Variants in DNAH1 observed in about 807,000 individuals in gnomAD.
DNAH1 encodes the protein dynein axonemal heavy chain 1.
In DNAH1, 327 loss-of-function variants were observed where a neutral mutation model predicts 484.3. The observed-to-expected ratio is 0.68, with a 90% CI of 0.62 to 0.74. The LOEUF is 0.74. DNAH1 is among the 30% of genes least tolerant of loss of function. The pLI is 0.00. For synonymous variants in DNAH1, 2,192 were observed against 2,191.9 expected, an observed-to-expected ratio of 1.00 and a Z score of 0.00; for missense variants, 5,052 against 5,546.8, an observed-to-expected ratio of 0.91 and a Z score of 2.83.
At chr3:52,340,456 A>G (rs1316867205) in intron 8 of DNAH1, among the ~76,000 whole-genome samples, 2 of 150,308 alleles carry the variant, frequency 1.3e-5, no homozygotes, top group African/African-American at 4.9e-5. Flanking sequence ...ATTTTTTGAG[A>G]TGAAGTCTTG....
In DNAH1 at chr3:52,380,072, C is replaced by T. The variant is rs368503214; in HGVS notation, c.7545C>T (p.Tyr2515=). 2.0e-4 allele frequency: 326 copies of T among 1,605,590 alleles called. 2 individuals are homozygous for T. In the South Asian group the frequency reaches 3.3e-3, roughly 16 times the overall value. Residue 2515 remains tyrosine, a synonymous_variant, in exon 48 of 78, where the codon TAC becomes TAT. Transcript: ENST00000420323. ...NKVCPFQPIL[Y]GDFMSPGSDV... ...TCTGCCCCTTCCAGCCCATTCTTTA[C>T]GGGGACTTCATGTCACCAGGCTCCG...
chr3:52,340,955 T>TCTTC (rs976323661), intron 8 of DNAH1, among the ~76,000 whole-genome samples: 67 of 152,196 alleles, frequency 4.4e-4, no homozygotes, highest in South Asian at 6.2e-4. Flanking sequence ...GTTAGTTTTT[T>TCTTC]CTTCCTTCCT....
intron 44 of DNAH1, chr3:52,373,836 C>T: frequency 7.1e-7 from 1 of 1,413,266 alleles, no homozygotes; most frequent in Non-Finnish European, 1.0e-6. Flanking sequence ...GCCTGTTTAC[C>T]CAGAAGTAGT....
intron 3 of DNAH1, among the ~76,000 whole-genome samples, chr3:52,324,464 G>A (rs963659626): frequency 3.3e-5 from 5 of 152,070 alleles, no homozygotes; most frequent in Non-Finnish European, 5.9e-5. Context: ...GAGGAACTGC[G>A]CAGGTGGCCT....
At chr3:52,347,718 C>T (rs1454543302) in intron 11 of DNAH1, 106 bp from the exon 12 acceptor site, 2 of 1,321,690 alleles carry the variant, frequency 1.5e-6, no homozygotes, top group Non-Finnish European at 2.0e-6. Flanking sequence ...AAGTATTGTG[C>T]ATGGAGAGGC....
Position 52,389,567 on chromosome 3 carries a change from T to C in DNAH1, c.9602T>C (p.Val3201Ala). ...PTLIGTLGNPVKIRSWQIAGL... is the reference protein window; with the variant it reads ...PTLIGTLGNPAKIRSWQIAGL... ...CTAATCGGGACGCTGGGGAACCCTGTGAAGATCCGATCGTGGCAGGTGCCC... is the reference window on the plus strand; with the variant it reads ...CTAATCGGGACGCTGGGGAACCCTGCGAAGATCCGATCGTGGCAGGTGCCC... The change falls in exon 60 of 78, where the codon GTG becomes GCG. Residue 3201 changes from valine (V) to alanine (A), a missense_variant. This residue lies in a region of DNAH1 where 2,929 missense variants were observed against 3,409.4 expected (regional missense o/e 0.86). Coordinates refer to ENST00000420323, the MANE Select transcript of DNAH1 (RefSeq NM_015512.5). The C allele has an allele frequency of 2.6e-6, 4 of 1,518,740 alleles. No individual in the cohort carries two copies. The highest frequency in any genetic ancestry group is 2.6e-6 in the Non-Finnish European group (3 of 1,133,256). 94.1% of individuals were successfully genotyped at this position (1,518,740 alleles called of 1,614,324 possible). A position where few individuals can be genotyped will look rare whatever the true frequency, so the allele number is the denominator to read the frequency against.
chr3:52,387,775 G>A (rs931144871), intron 56 of DNAH1, among the ~76,000 whole-genome samples: 1 of 152,208 alleles, frequency 6.6e-6, no homozygotes, highest in African/African-American at 2.4e-5. Flanking sequence ...GCCCCAGGGG[G>A]TGGGGTAGGC....
Position 52,399,210 on chromosome 3 carries a change from A to G in DNAH1, c.12441+9A>G. ...TCTCCTTTGATTTCAAGGTCTGGGCACAGCCAGGGCCAGGTCAGGTGACAG... is the reference window on the plus strand; with the variant it reads ...TCTCCTTTGATTTCAAGGTCTGGGCGCAGCCAGGGCCAGGTCAGGTGACAG... On this transcript the variant is annotated intron_variant, in intron 76 of 77. Coordinates refer to ENST00000420323, the MANE Select transcript of DNAH1 (RefSeq NM_015512.5). 1.9e-6 allele frequency: 3 copies of G among 1,595,962 alleles called. No homozygotes were observed. The African/African-American group carries it at 4.0e-5, about 21-fold the overall frequency.
Position 52,376,032 on chromosome 3 carries a change from A to G in DNAH1, c.7198+39A>G, listed in dbSNP as rs375469702. Reference sequence around the variant, plus strand: ...TGGGCGGGAATGGGGCACTGGTTCCAGGAGGAGCCCTGGGCTCTGGTTGGG... The same window carrying G: ...TGGGCGGGAATGGGGCACTGGTTCCGGGAGGAGCCCTGGGCTCTGGTTGGG... On this transcript the variant is annotated intron_variant, in intron 46 of 77. Transcript: ENST00000420323. 231 of 1,605,762 alleles carry G rather than the reference A, an allele frequency of 1.4e-4. No individual in the cohort carries two copies. In the African/African-American group the frequency reaches 2.8e-3, roughly 20 times the overall value.
upstream of DNAH1, among the ~76,000 whole-genome samples, chr3:52,314,026 C>T (rs1700873946): frequency 6.6e-6 from 1 of 152,164 alleles, no homozygotes; most frequent in African/African-American, 2.4e-5. Context: ...AGTGGCCAGC[C>T]TTGGGGGATG....
Position 52,351,985 on chromosome 3 carries a change from C to A in DNAH1, c.2753C>A (p.Ser918Tyr). Reference sequence around the variant, plus strand: ...AGATGGATTGCCAGCAACTGGCCTTCTAAGATCCTTGGGCAGATAGAGCTG... The same window carrying A: ...AGATGGATTGCCAGCAACTGGCCTTATAAGATCCTTGGGCAGATAGAGCTG... ...NDKWIASNWP[S>Y]KILGQIELVQ... is the part of the protein sequence containing the mutation. The change falls in exon 17 of 78, where the codon TCT becomes TAT. Residue 918 changes from serine to tyrosine, a missense_variant. Ser to Tyr is a moderately radical substitution (Grantham distance 144). This residue lies in a region of DNAH1 where 1,263 missense variants were observed against 1,218.8 expected (regional missense o/e 1.04). Transcript: ENST00000420323. The A allele has an allele frequency of 6.2e-7, 1 of 1,602,594 alleles. No individual in the cohort carries two copies. The highest frequency in any genetic ancestry group is 2.3e-5 in the East Asian group (1 of 44,426).
At position 52,360,029 on chromosome 3, in the gene DNAH1, C is replaced by A. The variant is rs186620563; in HGVS notation, c.4521C>A (p.Ile1507=). ...VHAKDVVSKL[I]QENVVSVNDF... ...CCAAGGACGTGGTGAGCAAGCTAAT[C>A]CAGGAGAACGTGGTCAGCGTGAATG... The change falls in exon 27 of 78, where the codon ATC becomes ATA. Residue 1507 remains isoleucine (I), a synonymous_variant. Coordinates refer to ENST00000420323, the MANE Select transcript of DNAH1 (RefSeq NM_015512.5). 38 of 1,613,928 alleles carry A rather than the reference C, an allele frequency of 2.4e-5. No individual in the cohort carries two copies. The South Asian group carries it at 3.8e-4, about 16-fold the overall frequency.
At position 52,349,321 on chromosome 3, in the gene DNAH1, C is replaced by A. The variant is rs749786044; in HGVS notation, c.2427C>A (p.Asn809Lys). Reference sequence around the variant, plus strand: ...TCATCATTGGGCCTTTCTACATCAACACCGACAATGTCAAGCAGAGCCTGT... The same window carrying A: ...TCATCATTGGGCCTTTCTACATCAAAACCGACAATGTCAAGCAGAGCCTGT... ...SSIIIGPFYI[N>K]TDNVKQSLSK... is the part of the protein sequence containing the mutation. Residue 809 changes from asparagine (N) to lysine (K), a missense_variant, in exon 14 of 78, where the codon AAC becomes AAA. By Grantham distance (94) the Asn-to-Lys change is moderately conservative (BLOSUM62 0). Around this residue, in one of 4 missense-constraint regions of DNAH1, gnomAD observed 1,263 missense variants for 1,218.8 expected, o/e 1.04. Coordinates refer to ENST00000420323, the MANE Select transcript of DNAH1 (RefSeq NM_015512.5). The A allele has an allele frequency of 1.9e-6, 3 of 1,613,996 alleles. No homozygotes were observed. The highest frequency in any genetic ancestry group is 2.5e-6 in the Non-Finnish European group (3 of 1,179,896).
chr3:52,374,282 G>T, intron 44 of DNAH1: 2 of 1,527,834 alleles, frequency 1.3e-6, no homozygotes, highest in Non-Finnish European at 1.8e-6. Context: ...ACTAAAAGAA[G>T]AACACAAGAT....
intron 23 of DNAH1, 49 bp from the exon 24 acceptor site, chr3:52,357,849 G>A (rs376127142): frequency 1.9e-6 from 3 of 1,590,552 alleles, no homozygotes; most frequent in South Asian, 2.3e-5. Context: ...GGCAGCTGGG[G>A]CCCAGGGAGC....
At position 52,322,592 on chromosome 3, in the gene DNAH1, A is replaced by G. The variant is rs2153222765; in HGVS notation, c.150A>G (p.Gly50=). ...KILPGSDYGL[G]NPPALDPKLP... ...TTCCAGGATCAGACTATGGGTTGGG[A>G]AATCCTCCAGCCCTTGACCCCAAGC... is the stretch of plus-strand genomic sequence containing the variant. The change falls in exon 2 of 78, where the codon GGA becomes GGG. Residue 50 remains glycine (G), a synonymous_variant. Transcript: ENST00000420323. 6.2e-7 allele frequency: 1 copy of G among 1,613,722 alleles called. No homozygotes were observed. The highest frequency in any genetic ancestry group is 1.3e-5 in the African/African-American group (1 of 74,960).
In DNAH1 at chr3:52,364,864, T is replaced by C; in HGVS notation, c.5363T>C (p.Val1788Ala). The change falls in exon 34 of 78, where the codon GTG becomes GCG. Residue 1788 changes from valine (V) to alanine (A), a missense_variant. Physicochemically the swap from Val to Ala is moderately conservative, Grantham distance 64 (BLOSUM62 0). Around this residue, in one of 4 missense-constraint regions of DNAH1, gnomAD observed 2,929 missense variants for 3,409.4 expected, o/e 0.86. Coordinates refer to ENST00000420323, the MANE Select transcript of DNAH1 (RefSeq NM_015512.5). The surrounding 1 kb of genome is among the most constrained non-coding windows in gnomAD (Gnocchi z 4.2). ...ATCTGCCTCCGGGCCATCCGTGATG[T>C]GAACGTGCCCAAGTTCCTGCAGGAG... ...ELICLRAIRD[V>A]NVPKFLQEDL... The C allele has an allele frequency of 6.2e-7, 1 of 1,613,946 alleles. No individual in the cohort carries two copies. Among genetic ancestry groups the C allele is most frequent in the South Asian group, 1.1e-5 (1 of 91,086 alleles).
rs752183784 is a variant in DNAH1 at position 52,322,401 on chromosome 3, TCTC to T, written c.-34-5_-34-3del. ...CAAGGGCTGACTGACGCTGGGTTCT[TCTC>T]CTAGGAGCTTCGGCTGGGGCATCTC... On this transcript the variant is annotated splice_region_variant and splice_polypyrimidine_tract_variant and intron_variant, in intron 1 of 77. Coordinates refer to ENST00000420323, the MANE Select transcript of DNAH1 (RefSeq NM_015512.5). 5.7e-5 allele frequency: 90 copies of T among 1,572,352 alleles called. 1 individual carries two copies. The African/African-American group carries it at 1.1e-3, about 19-fold the overall frequency.
At chr3:52,332,440 A>G (rs762607520) in intron 8 of DNAH1, 46 bp downstream of exon 8, 2 of 1,592,932 alleles carry the variant, frequency 1.3e-6, no homozygotes, top group Non-Finnish European at 1.7e-6. Context: ...CACCTTCTTC[A>G]GGGAACCTTC....
Sources: allele counts gnomAD v4.1 joint callset (sites outside exome capture counted in the v4.1 genomes callset), GRCh38; gene constraint gnomAD v4.1.1; regional missense constraint gnomAD v4.1.1; non-coding constraint Gnocchi (gnomAD v3.1); transcripts MANE v1.5; gene names NCBI Gene and HGNC (gene_info 2026-07-23, HGNC 2026-07-21).